The following OXR1 variants were observed in gnomAD, a reference collection of about 807,000 sequenced individuals.
OXR1 encodes oxidation resistance protein 1.
In OXR1, 41 loss-of-function variants were observed where a neutral mutation model predicts 104.6. That is an observed-to-expected ratio of 0.39 (90% CI 0.31 to 0.51). The LOEUF (loss-of-function observed/expected upper bound fraction) is 0.51. Ranked by LOEUF, OXR1 falls within the 20% of genes least tolerant of loss-of-function variation. The pLI is 0.77. For missense variants in OXR1, 955 were observed against 1,031.9 expected, an observed-to-expected ratio of 0.93 and a Z score of 1.02; for synonymous variants, 348 against 348.4, an observed-to-expected ratio of 1.00 and a Z score of 0.01.
intron 11 of OXR1, among the ~76,000 whole-genome samples, chr8:106,724,013 T>C (rs1326177335): frequency 6.6e-6 from 1 of 151,982 alleles, no homozygotes; most frequent in Non-Finnish European, 1.5e-5. Flanking sequence ...CTCAATCTTC[T>C]AGGCTCAAGT....
chr8:106,692,207 T>C (rs899385018), intron 6 of OXR1, among the ~76,000 whole-genome samples: 3 of 152,014 alleles, frequency 2.0e-5, no homozygotes, highest in Admixed American at 1.3e-4. Flanking sequence ...TGTGATCTAG[T>C]GGAATGGGAT....
chr8:106,341,320 A>T (rs75116450), intron 1 of OXR1, among the ~76,000 whole-genome samples: 6,323 of 151,824 alleles, frequency 0.042, 437 homozygotes, highest in African/African-American at 0.14. Flanking sequence ...AAAGGAAAAT[A>T]TTTAAAATAG....
chr8:106,458,694 C>T, intron 2 of OXR1, among the ~76,000 whole-genome samples: 1 of 152,094 alleles, frequency 6.6e-6, no homozygotes, highest in East Asian at 1.9e-4. Context: ...AGCAGTCCCA[C>T]AGGGGTGGGA....
At chr8:106,553,827 A>C (rs1035064279) in intron 3 of OXR1, among the ~76,000 whole-genome samples, 4 of 152,004 alleles carry the variant, frequency 2.6e-5, no homozygotes, top group African/African-American at 9.7e-5. Flanking sequence ...TCCGCATTGG[A>C]TATCTTATGC....
At chr8:106,428,396 A>T (rs990480174) in intron 2 of OXR1, among the ~76,000 whole-genome samples, 1 of 152,102 alleles carries the variant, frequency 6.6e-6, no homozygotes, top group Non-Finnish European at 1.5e-5. Flanking sequence ...ATTGACCTAG[A>T]CTTGTTACAT....
At chr8:106,684,761 C>A (rs1025638079) in intron 6 of OXR1, among the ~76,000 whole-genome samples, 14 of 152,062 alleles carry the variant, frequency 9.2e-5, no homozygotes, top group East Asian at 3.9e-4. Flanking sequence ...TGACACATTG[C>A]CTTTTAAAAA....
At chr8:106,323,179 C>T (rs1015963690) in intron 1 of OXR1, among the ~76,000 whole-genome samples, 4 of 152,090 alleles carry the variant, frequency 2.6e-5, no homozygotes, top group Non-Finnish European at 4.4e-5. Flanking sequence ...GGTAGTGGTA[C>T]AAAAATTGGC....
intron 2 of OXR1, among the ~76,000 whole-genome samples, chr8:106,396,098 C>CATAA (rs1817770178): frequency 6.6e-6 from 1 of 151,594 alleles, no homozygotes; most frequent in South Asian, 2.1e-4. Flanking sequence ...TACATACATA[C>CATAA]ATACATAAAT....
chr8:106,523,595 AT>A (rs1563579298), intron 3 of OXR1, among the ~76,000 whole-genome samples: 6 of 152,278 alleles, frequency 3.9e-5, no homozygotes, highest in African/African-American at 1.2e-4. Context: ...AGTTTATTTC[AT>A]AGTCCATTAA....
intron 2 of OXR1, among the ~76,000 whole-genome samples, chr8:106,489,489 G>A (rs1810933558): frequency 6.6e-6 from 1 of 152,078 alleles, no homozygotes; most frequent in Non-Finnish European, 1.5e-5. Flanking sequence ...ACAAACATTT[G>A]ATATTAGTGT....
At chr8:106,646,848 A>G (rs1012673213) in intron 3 of OXR1, among the ~76,000 whole-genome samples, 3 of 152,214 alleles carry the variant, frequency 2.0e-5, no homozygotes, top group Non-Finnish European at 4.4e-5. Flanking sequence ...CTGATGAGCT[A>G]TTGTTCCTCA....
At chr8:106,385,932 C>G (rs746494725) in intron 2 of OXR1, among the ~76,000 whole-genome samples, 29 of 152,102 alleles carry the variant, frequency 1.9e-4, no homozygotes, top group Non-Finnish European at 4.1e-4. Flanking sequence ...TCTACCTGTG[C>G]TCTAGGTTCT....
In OXR1 at chr8:106,706,687, G is replaced by C. The variant is rs774109760; in HGVS notation, c.1166G>C (p.Gly389Ala). 16 of 1,613,076 alleles carry C rather than the reference G, an allele frequency of 9.9e-6. No homozygotes were observed. The African/African-American group carries it at 1.1e-4, about 11-fold the overall frequency. ...ESLTVKSEST[G>A]TPGHLRSDTE... is the part of the protein sequence containing the mutation. The stretch of plus-strand genomic sequence containing the variant: ...CTGACAGTCAAATCAGAATCTACTG[G>C]TACTCCTGGTCACTTAAGATCTGAT... The change falls in exon 9 of 17, where the codon GGT (glycine) becomes GCT (alanine). Residue 389 changes from glycine to alanine, a missense_variant. Physicochemically the swap from Gly to Ala is moderately conservative, Grantham distance 60. Around this residue, in one of 2 missense-constraint regions of OXR1, gnomAD observed 849 missense variants for 852.9 expected, o/e 1.00. Transcript: ENST00000517566.
intron 2 of OXR1, among the ~76,000 whole-genome samples, chr8:106,443,262 T>C (rs11988075): frequency 0.047 from 7,106 of 152,232 alleles, 546 homozygotes; most frequent in African/African-American, 0.16. Context: ...ACTGTTGTAC[T>C]GAGAGACTGT....
chr8:106,564,101 T>C (rs1816892748), intron 3 of OXR1, among the ~76,000 whole-genome samples: 2 of 151,764 alleles, frequency 1.3e-5, no homozygotes, highest in South Asian at 2.1e-4. Context: ...AGCAAACAAA[T>C]TCAAAAGCTA....
intron 9 of OXR1, among the ~76,000 whole-genome samples, chr8:106,709,051 G>C (rs1247133504): frequency 1.3e-5 from 2 of 151,800 alleles, no homozygotes; most frequent in African/African-American, 4.8e-5. Context: ...TTTTTCTTCT[G>C]TAATATTTTT....
intron 2 of OXR1, among the ~76,000 whole-genome samples, chr8:106,472,317 T>C (rs1250311901): frequency 6.6e-6 from 1 of 151,814 alleles, no homozygotes; most frequent in East Asian, 1.9e-4. Flanking sequence ...GCTGGTTTTT[T>C]TCCCCAGTTT....
chr8:106,290,427 G>C (rs1432358599), intron 1 of OXR1, among the ~76,000 whole-genome samples: 1 of 152,090 alleles, frequency 6.6e-6, no homozygotes, highest in Non-Finnish European at 1.5e-5. Context: ...AAAAGCAATT[G>C]CAACAAAACC....
rs564663679 is a variant in OXR1, at chr8:106,481,221, A to G, written c.24-37722A>G. 1.9e-4 allele frequency among the ~76,000 whole-genome samples: 29 copies of G among 152,158 alleles called. 1 individual carries two copies. The South Asian group carries it at 2.3e-3, about 12-fold the overall frequency. ...GCCGTTGTCACACATAAGACCCTTA[A>G]TGTTACAGACTGGAGATTGAATGGG... is the stretch of plus-strand genomic sequence containing the variant. On this transcript the variant is annotated intron_variant, in intron 2 of 16. Coordinates refer to ENST00000517566, the MANE Select transcript of OXR1 (RefSeq NM_001198533.2).
Sources: allele counts gnomAD v4.1 joint callset (sites outside exome capture counted in the v4.1 genomes callset), GRCh38; gene constraint gnomAD v4.1.1; regional missense constraint gnomAD v4.1.1; transcripts MANE v1.5; gene names NCBI Gene and HGNC (gene_info 2026-07-23, HGNC 2026-07-21).